COL4A3: variants seen among roughly 807,000 people sequenced by gnomAD.
The protein encoded by COL4A3 is collagen type IV alpha 3 chain, also known as collagen alpha-3(IV) chain.
Under a neutral mutation model 217.4 loss-of-function variants are expected in COL4A3, and 135 were observed. The ratio of observed to expected loss-of-function variants is 0.62; its 90% CI spans 0.54 to 0.72. COL4A3 has a LOEUF of 0.72. Among genes scored for constraint, COL4A3 ranks in the 30% least tolerant of loss-of-function variants. The probability of loss-of-function intolerance (pLI) is 0.00; values close to 1 mark genes in which losing one functional copy is unlikely to be tolerated. For synonymous variants in COL4A3, 690 were observed against 736.3 expected (o/e 0.94, Z 1.02); for missense variants, 1,868 against 2,119.9 (o/e 0.88, Z 2.33).
chr2:227,249,230 A>ATATATATATATATATATATATTTTT, intron 9 of COL4A3, among the ~76,000 whole-genome samples: 1 of 14,692 alleles, frequency 6.8e-5, no homozygotes, highest in Non-Finnish European at 1.2e-4. Context: ...ATATATATAT[A>ATATATATATATATATATATATTTTT]TTTTTTTTTT....
At chr2:227,247,498 C>T (rs1024694675) in intron 7 of COL4A3, 60 bp from the exon 8 acceptor site, 4 of 1,526,014 alleles carry the variant, frequency 2.6e-6, no homozygotes, top group Admixed American at 1.7e-5. Flanking sequence ...CAGAGCAGAC[C>T]GAGTAGGAGT....
intron 21 of COL4A3, among the ~76,000 whole-genome samples, chr2:227,266,102 T>C (rs2070873982): frequency 6.6e-6 from 1 of 152,138 alleles, no homozygotes; most frequent in African/African-American, 2.4e-5. Context: ...AAGATGAGAT[T>C]TGGGACACAG....
In COL4A3 at chr2:227,187,660, C is replaced by T. The variant is rs1356363952; in HGVS notation, c.87+22847C>T. Among the ~76,000 whole-genome samples, 3 of 152,180 alleles carry T rather than the reference C, an allele frequency of 2.0e-5. No homozygotes were observed. The East Asian group carries it at 5.8e-4, about 29-fold the overall frequency. On this transcript the variant is annotated intron_variant, in intron 1 of 51. Coordinates refer to ENST00000396578, the MANE Select transcript of COL4A3 (RefSeq NM_000091.5). The stretch of plus-strand genomic sequence containing the variant: ...TATTGACCTCATTAGCCCATTGTCC[C>T]TTCCACAGTGGGAATTATAGCAATG...
At chr2:227,307,540 C>T (rs2073558630) in intron 47 of COL4A3, among the ~76,000 whole-genome samples, 170 bp from the exon 48 acceptor site, 1 of 152,188 alleles carries the variant, frequency 6.6e-6, no homozygotes, top group Non-Finnish European at 1.5e-5. Flanking sequence ...GTGTGATAAA[C>T]TGCTTAACAT....
intron 1 of COL4A3, among the ~76,000 whole-genome samples, chr2:227,184,270 C>A (rs1229811664): frequency 1.3e-5 from 2 of 152,186 alleles, no homozygotes; most frequent in African/African-American, 2.4e-5. Flanking sequence ...TGGCAGTTAC[C>A]CAAGATGGAC....
At chr2:227,306,478 AG>A (rs2073505901) in intron 47 of COL4A3, among the ~76,000 whole-genome samples, 1 of 152,144 alleles carries the variant, frequency 6.6e-6, no homozygotes, top group African/African-American at 2.4e-5. Flanking sequence ...CCTCTGAATG[AG>A]GGCAGGGGTT....
chr2:227,205,240 A>G (rs2067056615), intron 1 of COL4A3, among the ~76,000 whole-genome samples: 2 of 152,168 alleles, frequency 1.3e-5, no homozygotes, highest in South Asian at 4.1e-4. Context: ...GGTTATGCAT[A>G]TGTTATTCAG....
At chr2:227,193,747 G>GGGAGGGAGGGAGGGAAGGAAGGAA (rs2066335782) in intron 1 of COL4A3, among the ~76,000 whole-genome samples, 1 of 33,504 alleles carries the variant, frequency 3.0e-5, no homozygotes, top group African/African-American at 9.9e-5. Flanking sequence ...GAGGGAGGGA[G>GGGAGGGAGGGAGGGAAGGAAGGAA]GGAAGGAAGG....
intron 22 of COL4A3, 134 bp from the exon 23 acceptor site, chr2:227,266,859 G>T (rs910022794): frequency 8.4e-6 from 6 of 711,794 alleles, no homozygotes; most frequent in Non-Finnish European, 1.3e-5. Flanking sequence ...AAATTAATAT[G>T]TATAACGTCC....
At chr2:227,307,450 C>G (rs772220030) in intron 47 of COL4A3, among the ~76,000 whole-genome samples, 11 of 152,124 alleles carry the variant, frequency 7.2e-5, no homozygotes, top group Non-Finnish European at 1.5e-4. Context: ...TGTGCCAGGC[C>G]TCACAGAGGA....
intron 3 of COL4A3, among the ~76,000 whole-genome samples, chr2:227,240,861 AAC>A (rs2068978384): frequency 6.6e-6 from 1 of 152,170 alleles, no homozygotes; most frequent in Non-Finnish European, 1.5e-5. Flanking sequence ...CTCCTCTGAA[AAC>A]ACTCCAGCAA....
chr2:227,207,858 A>G (rs2125777401), intron 1 of COL4A3, among the ~76,000 whole-genome samples: 1 of 152,322 alleles, frequency 6.6e-6, no homozygotes, highest in South Asian at 2.1e-4. Context: ...CTTGCCCTGT[A>G]GGGAGTGTCT....
chr2:227,310,949 G>A lies in COL4A3; in HGVS notation c.4928+1G>A, dbSNP rs2073718422. ...CATTAAACCCAGAAAGAATGTTCAG[G>A]TAACTATTCACCATCAAGCTTAATC... is the stretch of plus-strand genomic sequence containing the variant. On this transcript the variant is annotated splice_donor_variant, in intron 51 of 51. Transcript: ENST00000396578. LOFTEE classifies it high-confidence loss of function. 6.2e-7 allele frequency: 1 copy of A among 1,613,168 alleles called. No individual in the cohort carries two copies. Among genetic ancestry groups the A allele is most frequent in the Non-Finnish European group, 8.5e-7 (1 of 1,179,964 alleles).
intron 1 of COL4A3, among the ~76,000 whole-genome samples, chr2:227,219,377 C>T (rs1410801647): frequency 6.6e-6 from 1 of 152,186 alleles, no homozygotes; most frequent in African/African-American, 2.4e-5. Context: ...TCACCCTTCT[C>T]TTAGAGCCTT....
intron 1 of COL4A3, among the ~76,000 whole-genome samples, chr2:227,171,796 A>C (rs542098607): frequency 2.0e-5 from 3 of 152,290 alleles, no homozygotes; most frequent in South Asian, 4.2e-4. Context: ...TTTTATGAGA[A>C]AGCTTTAGAG....
intron 1 of COL4A3, among the ~76,000 whole-genome samples, chr2:227,197,499 T>C (rs551759619): frequency 6.6e-6 from 1 of 152,298 alleles, no homozygotes; most frequent in South Asian, 2.1e-4. Context: ...TCTCAGAACA[T>C]ATCCTCATTT....
At chr2:227,251,455 C>T (rs771802822) in intron 11 of COL4A3, 84 bp downstream of exon 11, 36 of 1,238,516 alleles carry the variant, frequency 2.9e-5, no homozygotes, top group Non-Finnish European at 4.2e-5. Flanking sequence ...TCATGTGGGT[C>T]ACTGTTAGGC....
chr2:227,221,742 T>G (rs748351764), intron 1 of COL4A3, among the ~76,000 whole-genome samples: 3 of 152,144 alleles, frequency 2.0e-5, no homozygotes, highest in Non-Finnish European at 4.4e-5. Flanking sequence ...TTCTTCCCCC[T>G]GTTAGAACAT....
At chr2:227,289,917 T>C in intron 35 of COL4A3, 82 bp from the exon 36 acceptor site, 4 of 1,361,514 alleles carry the variant, frequency 2.9e-6, no homozygotes, top group Non-Finnish European at 1.0e-6. Context: ...CATTCATTCA[T>C]GCATGCAAGC....
Sources: allele counts gnomAD v4.1 joint callset (sites outside exome capture counted in the v4.1 genomes callset), GRCh38; gene constraint gnomAD v4.1.1; transcripts MANE v1.5; gene names NCBI Gene and HGNC (gene_info 2026-07-23, HGNC 2026-07-21).